The following BMPER variants were observed in gnomAD, a reference collection of about 807,000 sequenced individuals.
BMPER encodes the protein BMP binding endothelial regulator, also known as BMP-binding endothelial regulator protein.
A neutral mutation model predicts 87.3 loss-of-function variants in BMPER; 45 were observed. The observed-to-expected ratio is 0.52, with a 90% CI of 0.41 to 0.66. The LOEUF is 0.66. Ranked by LOEUF, BMPER falls within the 30% of genes least tolerant of loss-of-function variation. The pLI is 0.00. For synonymous variants in BMPER, 326 were observed against 316.2 expected (o/e 1.03, Z -0.33); for missense variants, 784 against 867.5 (o/e 0.90, Z 1.21).
intron 13 of BMPER, among the ~76,000 whole-genome samples, chr7:34,137,224 G>A (rs1033517601): frequency 6.6e-6 from 1 of 152,214 alleles, no homozygotes; most frequent in African/African-American, 2.4e-5. Context: ...AGACAGGAGA[G>A]GAGTGCAATA....
intron 2 of BMPER, among the ~76,000 whole-genome samples, chr7:33,914,834 AG>A (rs1446087728): frequency 1.3e-5 from 2 of 152,228 alleles, no homozygotes; most frequent in Non-Finnish European, 2.9e-5. Flanking sequence ...GTACATGCCA[AG>A]GCAGAAGACG....
rs868283522 is a variant in BMPER at position 33,976,826 on chromosome 7, G to A, written c.576+2042G>A. On this transcript the variant is annotated intron_variant, in intron 6 of 14. Coordinates refer to ENST00000649409, the MANE Select transcript of BMPER (RefSeq NM_001365308.1). ...TGAGCTTAGAGATGATATGTACAGG[G>A]GTCACAAACCAAAATGTACTGCAGG... 5.9e-5 allele frequency among the ~76,000 whole-genome samples: 9 copies of A among 152,194 alleles called. No individual in the cohort carries two copies. In the South Asian group the frequency reaches 1.9e-3, roughly 32 times the overall value.
At chr7:33,959,897 CT>C (rs1368914542) in intron 3 of BMPER, among the ~76,000 whole-genome samples, 1 of 152,074 alleles carries the variant, frequency 6.6e-6, no homozygotes, top group Admixed American at 6.5e-5. Flanking sequence ...CATGTGGAAG[CT>C]TTTTTTTCTT....
At chr7:33,921,258 C>A (rs138261467) in intron 2 of BMPER, among the ~76,000 whole-genome samples, 6 of 152,122 alleles carry the variant, frequency 3.9e-5, no homozygotes, top group Non-Finnish European at 8.8e-5. Flanking sequence ...AGCTATTTTG[C>A]GAACAAACAG....
chr7:34,018,880 G>T (rs1787108065), intron 6 of BMPER, among the ~76,000 whole-genome samples: 1 of 151,996 alleles, frequency 6.6e-6, no homozygotes, highest in East Asian at 1.9e-4. Flanking sequence ...CATGTTTCTT[G>T]CCTCACCTTG....
intron 2 of BMPER, among the ~76,000 whole-genome samples, chr7:33,920,704 C>T (rs1022181194): frequency 3.3e-5 from 5 of 151,968 alleles, no homozygotes; most frequent in East Asian, 3.9e-4. Context: ...GGATTACAGG[C>T]GTGAGCCATC....
chr7:34,022,705 CAAAAAAAA>C (rs74837974), intron 6 of BMPER, among the ~76,000 whole-genome samples: 1 of 59,656 alleles, frequency 1.7e-5, no homozygotes, highest in African/African-American at 5.1e-5. Context: ...TAAGGTTTGC[CAAAAAAAA>C]AAAAAAAAAA....
intron 3 of BMPER, among the ~76,000 whole-genome samples, chr7:33,937,783 C>T (rs561162465): frequency 6.6e-6 from 1 of 152,252 alleles, no homozygotes; most frequent in South Asian, 2.1e-4. Flanking sequence ...CCCACCTCTG[C>T]CAGAGAAGTC....
intron 2 of BMPER, among the ~76,000 whole-genome samples, chr7:33,930,229 G>GAGAGACATGACCC (rs1195195846): frequency 6.6e-6 from 1 of 151,894 alleles, no homozygotes; most frequent in Non-Finnish European, 1.5e-5. Context: ...CTGTTGAGTT[G>GAGAGACATGACCC]AGAGACATGA....
At chr7:33,906,348 T>G (rs1375036238) in intron 1 of BMPER, among the ~76,000 whole-genome samples, 1 of 152,204 alleles carries the variant, frequency 6.6e-6, no homozygotes, top group Middle Eastern at 3.2e-3. Context: ...TTTCAAAAAG[T>G]GATTTAAACC....
intron 13 of BMPER, among the ~76,000 whole-genome samples, chr7:34,116,572 A>T (rs1790123739): frequency 1.3e-5 from 2 of 152,226 alleles, no homozygotes; most frequent in African/African-American, 4.8e-5. Flanking sequence ...TTAGATTTTT[A>T]AATTAAACAT....
intron 2 of BMPER, among the ~76,000 whole-genome samples, chr7:33,915,245 T>C: frequency 6.6e-6 from 1 of 152,166 alleles, no homozygotes; most frequent in East Asian, 1.9e-4. Context: ...TATAGTTAAA[T>C]GTAAAATGGA....
intron 2 of BMPER, among the ~76,000 whole-genome samples, chr7:33,926,076 G>A (rs1562634135): frequency 1.3e-5 from 2 of 152,140 alleles, no homozygotes; most frequent in South Asian, 2.1e-4. Context: ...TTATGCTTTA[G>A]TCTCTCTCCC....
At chr7:34,016,497 C>T (rs1787030679) in intron 6 of BMPER, among the ~76,000 whole-genome samples, 1 of 151,980 alleles carries the variant, frequency 6.6e-6, no homozygotes, top group South Asian at 2.1e-4. Context: ...GATCCTTGGC[C>T]TGTCTCTGGC....
At chr7:34,044,827 T>A (rs1787917295) in intron 6 of BMPER, among the ~76,000 whole-genome samples, 1 of 152,182 alleles carries the variant, frequency 6.6e-6, no homozygotes, top group East Asian at 1.9e-4. Context: ...GCCCTCCCCT[T>A]TTCATCCATC....
chr7:34,106,498 G>T (rs923635944), intron 13 of BMPER, among the ~76,000 whole-genome samples: 3 of 152,168 alleles, frequency 2.0e-5, no homozygotes, highest in Non-Finnish European at 2.9e-5. Flanking sequence ...AGCCAGCATT[G>T]CTCTCCTTCT....
intron 6 of BMPER, among the ~76,000 whole-genome samples, chr7:33,978,490 T>C (rs1240473550): frequency 6.6e-6 from 1 of 152,180 alleles, no homozygotes; most frequent in African/African-American, 2.4e-5. Flanking sequence ...TACCTCAGAA[T>C]GTTTTCACTG....
At chr7:34,068,412 G>A (rs118141218) in intron 11 of BMPER, among the ~76,000 whole-genome samples, 607 of 152,336 alleles carry the variant, frequency 4.0e-3, no homozygotes, top group Non-Finnish European at 6.8e-3. Context: ...GGAGACTGGC[G>A]AAGGACCTTA....
chr7:33,907,678 G>A (rs1783856234), intron 2 of BMPER, among the ~76,000 whole-genome samples: 1 of 152,144 alleles, frequency 6.6e-6, no homozygotes, highest in Non-Finnish European at 1.5e-5. Context: ...AAACATTTTT[G>A]CTTAGGAGTG....
Sources: gnomAD v4.1 joint callset for allele counts (sites outside exome capture counted in the v4.1 genomes callset) on GRCh38, gnomAD v4.1.1 for gene constraint, MANE v1.5 for transcripts, NCBI Gene and HGNC (gene_info 2026-07-23, HGNC 2026-07-21) for gene names.